Variants in SAMD8 observed in about 807,000 individuals in gnomAD.
SAMD8 encodes the protein sterile alpha motif domain containing 8, also known as sphingomyelin synthase-related protein 1.
SAMD8 carries 20 observed loss-of-function variants against 42.0 expected under a neutral mutation model. That is an observed-to-expected ratio of 0.48 (90% CI 0.34 to 0.69). SAMD8 has a LOEUF of 0.69. SAMD8 is among the 30% of genes least tolerant of loss of function. The pLI is 0.01. For missense variants in SAMD8, 328 were observed against 511.6 expected (o/e 0.64, Z 3.46); for synonymous variants, 162 against 173.0 (o/e 0.94, Z 0.50).
At chr10:75,170,148 T>C (rs1200834231) in intron 4 of SAMD8, among the ~76,000 whole-genome samples, 1 of 152,196 alleles carries the variant, frequency 6.6e-6, no homozygotes, top group East Asian at 1.9e-4. Flanking sequence ...CAAAATTGGC[T>C]AAAATCTGTA....
intron 1 of SAMD8, among the ~76,000 whole-genome samples, chr10:75,123,125 A>T (rs1035686265): frequency 1.8e-4 from 27 of 151,992 alleles, no homozygotes; most frequent in African/African-American, 6.3e-4. Context: ...CTTGCTGGGA[A>T]GGAAATGGAC....
In SAMD8 at chr10:75,173,443, G is replaced by A. The variant is rs531044951; in HGVS notation, c.793-2623G>A. On this transcript the variant is annotated intron_variant, in intron 4 of 5. Coordinates refer to ENST00000542569, the MANE Select transcript of SAMD8 (RefSeq NM_001174156.2). ...CAAAACATCCTATTCATTCTGCTCC[G>A]TTGTGTTTCAGTTTTTATTTTTTGG... is the stretch of plus-strand genomic sequence containing the variant. Among the ~76,000 whole-genome samples, 25 of 152,158 alleles carry A rather than the reference G, an allele frequency of 1.6e-4. No homozygotes were observed. In the East Asian group the frequency reaches 2.3e-3, roughly 14 times the overall value.
chr10:75,127,672 A>G (rs985710835), intron 1 of SAMD8, among the ~76,000 whole-genome samples: 1 of 152,214 alleles, frequency 6.6e-6, no homozygotes, highest in Non-Finnish European at 1.5e-5. Context: ...CTGACATCAC[A>G]TATCCTCTAG....
intron 1 of SAMD8, chr10:75,105,762 G>A (rs1384935494): frequency 3.9e-6 from 6 of 1,552,570 alleles, no homozygotes; most frequent in African/African-American, 1.4e-5. Flanking sequence ...GCTGCCTCAC[G>A]GTGATCACCG....
At chr10:75,158,098 G>A (rs1840459457) in intron 2 of SAMD8, among the ~76,000 whole-genome samples, 2 of 151,742 alleles carry the variant, frequency 1.3e-5, no homozygotes, top group Non-Finnish European at 2.9e-5. Context: ...GGCGGAAGTT[G>A]TGGTGAGTTG....
chr10:75,165,725 C>T (rs952090626), intron 3 of SAMD8, among the ~76,000 whole-genome samples: 4 of 151,496 alleles, frequency 2.6e-5, no homozygotes, highest in Admixed American at 6.6e-5. Context: ...CCTGTAACCC[C>T]AGTACTTTAG....
At chr10:75,105,649 C>G (rs989213818) in intron 1 of SAMD8, 1 of 1,546,956 alleles carries the variant, frequency 6.5e-7, no homozygotes, top group Non-Finnish European at 8.7e-7. Flanking sequence ...GCTTTGCCCC[C>G]TGAGGCCTCA....
intron 3 of SAMD8, among the ~76,000 whole-genome samples, chr10:75,167,763 T>G (rs1840723922): frequency 6.6e-6 from 1 of 151,722 alleles, no homozygotes; most frequent in South Asian, 2.1e-4. Context: ...CAGCTCATTT[T>G]TAAATTATTT....
chr10:75,157,882 G>A (rs1012531343), intron 2 of SAMD8, among the ~76,000 whole-genome samples: 1 of 152,154 alleles, frequency 6.6e-6, no homozygotes, highest in Non-Finnish European at 1.5e-5. Context: ...AAGTAAGGCC[G>A]GGCGCGGTGT....
At chr10:75,128,901 A>G (rs1305982903) in intron 1 of SAMD8, among the ~76,000 whole-genome samples, 1 of 152,170 alleles carries the variant, frequency 6.6e-6, no homozygotes, top group African/African-American at 2.4e-5. Context: ...TTAGTGCCTA[A>G]ATAGCAAAAT....
At chr10:75,138,212 C>T (rs1235349565) in intron 1 of SAMD8, among the ~76,000 whole-genome samples, 1 of 152,050 alleles carries the variant, frequency 6.6e-6, no homozygotes, top group African/African-American at 2.4e-5. Context: ...TAGGAGGAAA[C>T]GACTAGAGGG....
At chr10:75,151,885 C>T (rs1057281039) in intron 2 of SAMD8, among the ~76,000 whole-genome samples, 6 of 152,040 alleles carry the variant, frequency 3.9e-5, no homozygotes, top group Non-Finnish European at 8.8e-5. Context: ...GATGGGGCTT[C>T]ACCATATTGG....
At chr10:75,140,546 G>A (rs947801622) in intron 1 of SAMD8, among the ~76,000 whole-genome samples, 1 of 152,182 alleles carries the variant, frequency 6.6e-6, no homozygotes. Flanking sequence ...GATCTAATCA[G>A]ACAAACCCTT....
chr10:75,171,160 CTTTTTTTTTTT>C (rs1003923090), intron 4 of SAMD8, among the ~76,000 whole-genome samples: 3 of 68,516 alleles, frequency 4.4e-5, no homozygotes, highest in African/African-American at 1.2e-4. Flanking sequence ...CTTTCTTTTT[CTTTTTTTTTTT>C]TTTTTTTTTT....
intron 2 of SAMD8, among the ~76,000 whole-genome samples, chr10:75,157,398 A>G (rs1365097849): frequency 6.6e-6 from 1 of 152,172 alleles, no homozygotes; most frequent in Non-Finnish European, 1.5e-5. Flanking sequence ...GAGTAGATGA[A>G]AAGGAATGGT....
chr10:75,110,884 C>T (rs1185960145), upstream of SAMD8, among the ~76,000 whole-genome samples: 4 of 152,052 alleles, frequency 2.6e-5, no homozygotes, highest in East Asian at 1.9e-4. Context: ...GGCGTGATCT[C>T]GGCTCATTGC....
intron 1 of SAMD8, among the ~76,000 whole-genome samples, chr10:75,115,618 T>G (rs905361766): frequency 2.0e-5 from 3 of 152,184 alleles, no homozygotes; most frequent in Non-Finnish European, 4.4e-5. Context: ...TATTGAAATG[T>G]TCTGTTATTG....
chr10:75,149,631 G>T (rs1174568928), intron 1 of SAMD8, among the ~76,000 whole-genome samples: 1 of 152,134 alleles, frequency 6.6e-6, no homozygotes, highest in Non-Finnish European at 1.5e-5. Context: ...TGGAATTACA[G>T]TTATCTACTT....
chr10:75,168,128 C>T (rs1589975907), intron 3 of SAMD8, among the ~76,000 whole-genome samples: 1 of 152,248 alleles, frequency 6.6e-6, no homozygotes, highest in Admixed American at 6.5e-5. Context: ...TCTCAAGTAG[C>T]TGGGATTACA....
Sources: allele counts gnomAD v4.1 joint callset (sites outside exome capture counted in the v4.1 genomes callset), GRCh38; gene constraint gnomAD v4.1.1; transcripts MANE v1.5; gene names NCBI Gene and HGNC (gene_info 2026-07-23, HGNC 2026-07-21).